Variants in CRTC2 observed in about 807,000 individuals in gnomAD.
CRTC2 encodes CREB regulated transcription coactivator 2, also known as CREB-regulated transcription coactivator 2.
CRTC2 carries 25 observed loss-of-function variants against 70.9 expected under a neutral mutation model. The observed-to-expected ratio is 0.35, with a 90% CI of 0.26 to 0.49. CRTC2 has a LOEUF of 0.49. CRTC2 is among the 20% of genes least tolerant of loss of function. CRTC2 has a pLI of 0.98. For synonymous variants in CRTC2, 330 were observed against 364.1 expected (o/e 0.91, Z 1.07); for missense variants, 737 against 882.6 (o/e 0.83, Z 2.09).
chr1:153,954,430 T>A (rs905277190), intron 3 of CRTC2, 114 bp from the exon 4 acceptor site: 2 of 753,984 alleles, frequency 2.7e-6, no homozygotes, highest in African/African-American at 3.5e-5. Flanking sequence ...ACCTTTCTCC[T>A]CTTCTATAAG....
intron 3 of CRTC2, among the ~76,000 whole-genome samples, chr1:153,954,518 T>C (rs1248994486): frequency 6.6e-6 from 1 of 152,186 alleles, no homozygotes; most frequent in Non-Finnish European, 1.5e-5. Context: ...AGGAGAATGT[T>C]CAGGCAGGGC....
intron 4 of CRTC2, 99 bp downstream of exon 4, chr1:153,954,156 C>A: frequency 2.3e-6 from 2 of 881,140 alleles, no homozygotes; most frequent in South Asian, 1.4e-5. Flanking sequence ...ACTGTTGAAA[C>A]CTTAGCCCAG....
At position 153,947,973 on chromosome 1, in the gene CRTC2, C is replaced by T; in HGVS notation, c.*136G>A. The stretch of plus-strand genomic sequence containing the variant: ...CCTGGACAAACCCCTTGCTTTTTCT[C>T]ATTCTTGGCATCCTTCATTCATGCT... On this transcript the variant is annotated 3_prime_UTR_variant, in exon 14 of 14. Transcript: ENST00000368633. 2.2e-6 allele frequency: 2 copies of T among 924,766 alleles called. No individual in the cohort carries two copies. The highest frequency in any genetic ancestry group is 2.2e-5 in the Admixed American group (1 of 44,844). 57.3% of individuals were successfully genotyped at this position (924,766 alleles called of 1,614,324 possible). A position where few individuals can be genotyped will look rare whatever the true frequency, so the allele number is the denominator to read the frequency against.
In CRTC2 at chr1:153,954,884, A is replaced by G. The variant is rs145219132; in HGVS notation, c.361T>C (p.Tyr121His). Residue 121 changes from tyrosine (Y) to histidine (H), a missense_variant, in exon 3 of 14, where the codon TAC (tyrosine) becomes CAC (histidine). Physicochemically the swap from Tyr to His is moderately conservative, Grantham distance 83. Transcript: ENST00000368633. ...CCTGTGAAGGATATGTGGCGGGTGT[A>G]TCGGCGAAGTGGGGACACCATTCTT... ...PRRMVSPLRRYTRHIDSSPYS... is the reference protein window; with the variant it reads ...PRRMVSPLRRHTRHIDSSPYS... 15 of 1,612,852 alleles carry G rather than the reference A, an allele frequency of 9.3e-6. 1 individual carries two copies. In the South Asian group the frequency reaches 1.4e-4, roughly 15 times the overall value.
chr1:153,953,416 G>C (rs1439211106), intron 5 of CRTC2, 47 bp from the exon 6 acceptor site: 1 of 1,532,324 alleles, frequency 6.5e-7, no homozygotes, highest in East Asian at 2.3e-5. Flanking sequence ...AGTCTTCCTG[G>C]TCCCTAAGCC....
rs201626667 is a variant in CRTC2, at chr1:153,949,262, C to A, written c.1527G>T (p.Gly509=). Residue 509 remains glycine (G), a synonymous_variant, in exon 12 of 14, where the codon GGG becomes GGT. Coordinates refer to ENST00000368633, the MANE Select transcript of CRTC2 (RefSeq NM_181715.3). ...GCACTGAACAAGACTGAGAGGGCAG[C>A]CCTGGCTGCTGTAGAGACTTTGGGG... ...PHTPKSLQQP[G]LPSQSCSVQS... is the part of the protein sequence containing the mutation. The A allele has an allele frequency of 2.8e-5, 45 of 1,614,100 alleles. No homozygotes were observed. The East Asian group carries it at 1.0e-3, about 36-fold the overall frequency.
At chr1:153,951,760 A>C in intron 10 of CRTC2, 94 bp from the exon 11 acceptor site, 2 of 1,382,630 alleles carry the variant, frequency 1.4e-6, no homozygotes, top group Non-Finnish European at 9.9e-7. Context: ...CCAGACTATG[A>C]AAGCGGCAAC....
Position 153,949,392 on chromosome 1 carries a change from GA to G in CRTC2, c.1405-9del, listed in dbSNP as rs1557865745. 1 of 1,596,406 alleles carries G rather than the reference GA, an allele frequency of 6.3e-7. No homozygotes were observed. The highest frequency in any genetic ancestry group is 1.7e-5 in the Admixed American group (1 of 57,500). ...GGTATCCAGGGGGACGCCCTGAAAAGAAGTAAAAAGAGGGAAGCTTACTGCT... is the reference window on the plus strand; with the variant it reads ...GGTATCCAGGGGGACGCCCTGAAAAGAGTAAAAAGAGGGAAGCTTACTGCT... On this transcript the variant is annotated splice_polypyrimidine_tract_variant and intron_variant, in intron 11 of 13. Transcript: ENST00000368633.
chr1:153,952,587 G>T lies in CRTC2; in HGVS notation c.686C>A (p.Pro229Gln). ...TCCTCCTACCTTCTTAGCATCCCAT[G>T]GCTTCAGCAAATGCTTGTCATCTAG... ...NLLDDKHLLKPWDAKKLSSSS... is the reference protein window; with the variant it reads ...NLLDDKHLLKQWDAKKLSSSS... Residue 229 changes from proline to glutamine, a missense_variant, in exon 8 of 14, where the codon CCA (proline) becomes CAA (glutamine). This residue lies in a region of CRTC2 where 699 missense variants were observed against 823.7 expected (regional missense o/e 0.85). Transcript: ENST00000368633. The T allele has an allele frequency of 6.2e-7, 1 of 1,614,208 alleles. No individual in the cohort carries two copies. The highest frequency in any genetic ancestry group is 8.5e-7 in the Non-Finnish European group (1 of 1,180,012).
rs761334431 is a variant in CRTC2, at chr1:153,951,635, C to T, written c.1029G>A (p.Leu343=). ...GLHSPLSHPS[L]QSSLSNPNLQ... ...GGTTGGGATTGCTTAGGGAGGACTG[C>T]AGGGATGGGTGGCTGAGAGGTGAAT... Residue 343 remains leucine (L), a synonymous_variant, in exon 11 of 14, where the codon CTG becomes CTA. Transcript: ENST00000368633. 1.9e-6 allele frequency: 3 copies of T among 1,613,584 alleles called. No individual in the cohort carries two copies. Among genetic ancestry groups the T allele is most frequent in the South Asian group, 2.2e-5 (2 of 91,072 alleles).
chr1:153,949,845 G>A lies in CRTC2; in HGVS notation c.1405-461C>T, dbSNP rs989438316. On this transcript the variant is annotated intron_variant, in intron 11 of 13. Coordinates refer to ENST00000368633, the MANE Select transcript of CRTC2 (RefSeq NM_181715.3). ...AGCCTGGGCAACAGAGCGAGACTCC[G>A]TCTCCAAAAAAAAAAAAGTGCCTAT... 2.9e-5 allele frequency among the ~76,000 whole-genome samples: 4 copies of A among 140,006 alleles called. No individual in the cohort carries two copies. In the East Asian group the frequency reaches 6.3e-4, roughly 22 times the overall value. The allele number at this position is 140,006 out of a possible 152,430, so 91.8% of individuals were successfully genotyped here.
intron 3 of CRTC2, 99 bp downstream of exon 3, chr1:153,954,774 A>C: frequency 9.8e-7 from 1 of 1,023,808 alleles, no homozygotes; most frequent in South Asian, 1.4e-5. Context: ...GCTCCAAGAG[A>C]AGGAAGGGAC....
intron 6 of CRTC2, 145 bp downstream of exon 6, chr1:153,953,121 T>G (rs927060466): frequency 1.2e-5 from 7 of 605,128 alleles, no homozygotes; most frequent in African/African-American, 1.9e-5. Context: ...GGGCGGAGGT[T>G]GCAGTGAGCC....
In CRTC2 at chr1:153,958,474, C is replaced by A. The variant is rs1316986084; in HGVS notation, c.24G>T (p.Gly8=). 1 of 1,611,494 alleles carries A rather than the reference C, an allele frequency of 6.2e-7. No individual in the cohort carries two copies. Among genetic ancestry groups the A allele is most frequent in the Non-Finnish European group, 8.5e-7 (1 of 1,178,524 alleles). Residue 8 remains glycine, a synonymous_variant, in exon 1 of 14, where the codon GGG becomes GGT. Coordinates refer to ENST00000368633, the MANE Select transcript of CRTC2 (RefSeq NM_181715.3). MATSGAN[G]PGSATASASN... is the part of the protein sequence containing the mutation. ...AAGCCGAGGCCGTGGCCGAACCAGG[C>A]CCGTTCGCCCCCGACGTCGCCATCT...
In CRTC2 at chr1:153,951,323, G is replaced by A; in HGVS notation, c.1341C>T (p.Ser447=). ...AAAACTGTTTGGGCAGCTGCTGTTG[G>A]GACCTTCTGGCGTCGGCTGGGCCCG... ...LLAGPADARR[S]QQQLPKQFSP... Residue 447 remains serine (S), a synonymous_variant, in exon 11 of 14, where the codon TCC becomes TCT. Transcript: ENST00000368633. 6.2e-7 allele frequency: 1 copy of A among 1,614,022 alleles called. No individual in the cohort carries two copies. The highest frequency in any genetic ancestry group is 2.2e-5 in the East Asian group (1 of 44,884).
chr1:153,956,985 C>T (rs1316547111), intron 1 of CRTC2, among the ~76,000 whole-genome samples: 1 of 152,182 alleles, frequency 6.6e-6, no homozygotes, highest in Non-Finnish European at 1.5e-5. Flanking sequence ...TCAAGATCAG[C>T]CTCCCATCTT....
Position 153,958,300 on chromosome 1 carries a change from C to T in CRTC2, c.153+45G>A, listed in dbSNP as rs766773584. On this transcript the variant is annotated intron_variant, in intron 1 of 13. Transcript: ENST00000368633. ...CGCCCCGCCTCTCCGGTCTCCGCTC[C>T]GTAACTGCTCAGCTCTGCTCCGGCT... 2.3e-5 allele frequency: 36 copies of T among 1,592,950 alleles called. No individual in the cohort carries two copies. In the Admixed American group the frequency reaches 5.8e-4, roughly 26 times the overall value.
chr1:153,949,531 G>GTAAC, intron 11 of CRTC2, 147 bp from the exon 12 acceptor site: 3 of 835,332 alleles, frequency 3.6e-6, no homozygotes, highest in South Asian at 1.9e-5. Context: ...CTGGGGTTGA[G>GTAAC]TGCAGTTACT....
In CRTC2 at chr1:153,954,309, C is replaced by T. The variant is rs1425070605; in HGVS notation, c.380G>A (p.Ser127Asn). Reference protein sequence around the residue: ...PLRRYTRHIDSSPYSPAYLSP... With the variant: ...PLRRYTRHIDNSPYSPAYLSP... ...TAAGTAGGCAGGACTATAGGGAGAG[C>T]TGTCAATGTGAACAGCACCAGTTAA... The change falls in exon 4 of 14, where the codon AGC (serine) becomes AAC (asparagine). Residue 127 changes from serine to asparagine, a missense_variant. By Grantham distance (46) the Ser-to-Asn change is conservative. Around this residue, in one of 3 missense-constraint regions of CRTC2, gnomAD observed 699 missense variants for 823.7 expected, o/e 0.85. Coordinates refer to ENST00000368633, the MANE Select transcript of CRTC2 (RefSeq NM_181715.3). The T allele has an allele frequency of 1.2e-6, 2 of 1,611,480 alleles. No homozygotes were observed. The highest frequency in any genetic ancestry group is 1.7e-6 in the Non-Finnish European group (2 of 1,178,412).
Sources: gnomAD v4.1 joint callset for allele counts (sites outside exome capture counted in the v4.1 genomes callset) on GRCh38, gnomAD v4.1.1 for gene constraint, gnomAD v4.1.1 regional missense constraint, MANE v1.5 for transcripts, NCBI Gene and HGNC (gene_info 2026-07-23, HGNC 2026-07-21) for gene names.